Variants in RASSF6 observed in about 807,000 individuals in gnomAD.
RASSF6 encodes the protein ras association domain-containing protein 6.
Under a neutral mutation model 44.0 loss-of-function variants are expected in RASSF6, and 52 were observed. That is an observed-to-expected ratio of 1.18 (90% confidence interval 0.95 to 1.49). The LOEUF (loss-of-function observed/expected upper bound fraction) is 1.49. Ranked by LOEUF, RASSF6 falls within the 40% of genes most tolerant of loss-of-function variation. RASSF6 has a pLI of 0.00. For synonymous variants in RASSF6, 162 were observed against 124.6 expected, an observed-to-expected ratio of 1.30 and a Z score of -2.00; for missense variants, 464 against 393.3, an observed-to-expected ratio of 1.18 and a Z score of -1.52.
intron 7 of RASSF6, 72 bp downstream of exon 7, chr4:73,582,117 A>T: frequency 2.6e-6 from 2 of 770,966 alleles, no homozygotes; most frequent in Non-Finnish European, 4.2e-6. Context: ...CTGTTTCAGA[A>T]GAGTGGATTT....
intron 2 of RASSF6, among the ~76,000 whole-genome samples, chr4:73,607,232 G>A (rs967129524): frequency 2.5e-4 from 38 of 152,194 alleles, no homozygotes; most frequent in African/African-American, 8.7e-4. Context: ...TTGCTCTTGG[G>A]ATAAAACCCC....
At chr4:73,604,888 T>C (rs1396483931) in intron 2 of RASSF6, among the ~76,000 whole-genome samples, 1 of 151,092 alleles carries the variant, frequency 6.6e-6, no homozygotes, top group African/African-American at 2.4e-5. Context: ...TTCTTTCTTT[T>C]TTTTTTTTTT....
intron 1 of RASSF6, among the ~76,000 whole-genome samples, chr4:73,617,312 C>A (rs1249265035): frequency 6.6e-6 from 1 of 152,216 alleles, no homozygotes; most frequent in African/African-American, 2.4e-5. Context: ...TAATGCCATG[C>A]ATTTTATTCT....
rs762916775 is a variant in RASSF6 at position 73,585,339 on chromosome 4, G to T, written c.408C>A (p.Thr136=). The T allele has an allele frequency of 1.1e-5, 18 of 1,596,284 alleles. No homozygotes were observed. Among genetic ancestry groups the T allele is most frequent in the Non-Finnish European group, 1.4e-5 (17 of 1,173,024 alleles). ...QEDYLSYHSN[T]LKPHAKDEPD... ...GTTCATCCTTTGCATGTGGCTTCAG[G>T]GTGTTGCTGTGATAAGATAAATAGT... The change falls in exon 6 of 11, where the codon ACC becomes ACA. Residue 136 remains threonine (T), a synonymous_variant. Transcript: ENST00000307439.
At position 73,598,621 on chromosome 4, in the gene RASSF6, CT is replaced by C; in HGVS notation, c.144+18del. On this transcript the variant is annotated intron_variant, in intron 3 of 10. Coordinates refer to ENST00000307439, the MANE Select transcript of RASSF6 (RefSeq NM_177532.5). ...GTGTGTGTGAATAACACCGGATTGCCTTTCTTCAGTGGGCTTACCTCTCCAT... is the reference window on the plus strand; with the variant it reads ...GTGTGTGTGAATAACACCGGATTGCCTTCTTCAGTGGGCTTACCTCTCCAT... 7.1e-7 allele frequency: 1 copy of C among 1,402,856 alleles called. No homozygotes were observed. Among genetic ancestry groups the C allele is most frequent in the Non-Finnish European group, 9.9e-7 (1 of 1,008,134 alleles). 86.9% of individuals were successfully genotyped at this position (1,402,856 alleles called of 1,614,324 possible).
At chr4:73,603,986 T>G (rs1242793192) in intron 2 of RASSF6, 1 of 152,206 alleles carries the variant, frequency 6.6e-6, no homozygotes, top group Non-Finnish European at 1.5e-5. Flanking sequence ...GGACAAAGCA[T>G]AAATATTGTC....
chr4:73,596,499 T>C (rs1047118822), intron 3 of RASSF6, among the ~76,000 whole-genome samples: 3 of 152,206 alleles, frequency 2.0e-5, no homozygotes, highest in Non-Finnish European at 4.4e-5. Flanking sequence ...TGGAAAATCA[T>C]TCCATGATCA....
chr4:73,589,996 A>T (rs1724407156), intron 4 of RASSF6, among the ~76,000 whole-genome samples: 1 of 152,200 alleles, frequency 6.6e-6, no homozygotes, highest in Non-Finnish European at 1.5e-5. Flanking sequence ...GACTTGTCCA[A>T]AATATGCAAA....
intron 1 of RASSF6, 150 bp downstream of exon 1, chr4:73,620,138 C>A: frequency 1.1e-5 from 4 of 371,342 alleles, no homozygotes; most frequent in Admixed American, 5.2e-5. Context: ...CTGAGAAAAT[C>A]AAAAGGAAAA....
At chr4:73,598,769 A>G in intron 2 of RASSF6, 51 bp from the exon 3 acceptor site, 1 of 777,110 alleles carries the variant, frequency 1.3e-6, no homozygotes, top group Non-Finnish European at 2.0e-6. Flanking sequence ...TTTTAACGTA[A>G]AAGGTGATAA....
chr4:73,576,576 G>A (rs1356376097), intron 9 of RASSF6, 37 bp downstream of exon 9: 5 of 1,569,546 alleles, frequency 3.2e-6, no homozygotes, highest in Non-Finnish European at 4.4e-6. Context: ...AGTCAGGAGG[G>A]AAGCAAAAAA....
At chr4:73,618,693 C>T (rs1726526070) in intron 1 of RASSF6, among the ~76,000 whole-genome samples, 1 of 152,062 alleles carries the variant, frequency 6.6e-6, no homozygotes, top group African/African-American at 2.4e-5. Context: ...CACAATTCTC[C>T]AGTCAATATC....
At chr4:73,615,768 T>A in intron 1 of RASSF6, 1 of 716,658 alleles carries the variant, frequency 1.4e-6, no homozygotes, top group Admixed American at 2.5e-5. Flanking sequence ...AACAAGCCAA[T>A]GAGATCTGGA....
Position 73,576,271 on chromosome 4 carries a change from T to C in RASSF6, c.978A>G (p.Gln326=), listed in dbSNP as rs945058555. Residue 326 remains glutamine (Q), a synonymous_variant, in exon 11 of 11, where the codon CAA becomes CAG. Transcript: ENST00000307439. ...TCTCTGTTTTTATTACTAGTTTATT[T>C]TGAAGACATTTCAGTATAATCGCCT... ...KEKAIILKCL[Q]NKLVIKTETT... 7.7e-6 allele frequency: 12 copies of C among 1,562,628 alleles called. No homozygotes were observed. Among genetic ancestry groups the C allele is most frequent in the Admixed American group, 1.7e-5 (1 of 58,654 alleles).
intron 3 of RASSF6, among the ~76,000 whole-genome samples, chr4:73,597,488 G>A (rs887032509): frequency 2.6e-5 from 4 of 152,170 alleles, no homozygotes; most frequent in Non-Finnish European, 4.4e-5. Flanking sequence ...TGCTGGTGAG[G>A]TTGTGGAGAA....
Position 73,593,557 on chromosome 4 carries a change from C to T in RASSF6, c.181G>A (p.Asp61Asn), listed in dbSNP as rs1176069960. 8 of 1,613,386 alleles carry T rather than the reference C, an allele frequency of 5.0e-6. No individual in the cohort carries two copies. The highest frequency in any genetic ancestry group is 1.3e-5 in the African/African-American group (1 of 74,992). Reference sequence around the variant, plus strand: ...GGTCGTTTTACTCCCCAGAAAATGTCCAGCATTCCTTCAACAATTAGTTTG... The same window carrying T: ...GGTCGTTTTACTCCCCAGAAAATGTTCAGCATTCCTTCAACAATTAGTTTG... The part of the protein sequence containing the change: ...DGKLIVEGML[D>N]IFWGVKRPIQ... The change falls in exon 4 of 11, where the codon GAC (aspartate) becomes AAC (asparagine). Residue 61 changes from aspartate to asparagine, a missense_variant. Physicochemically the swap from Asp to Asn is conservative, Grantham distance 23 (BLOSUM62 1). Coordinates refer to ENST00000307439, the MANE Select transcript of RASSF6 (RefSeq NM_177532.5).
rs1379384057 is a variant in RASSF6 at position 73,582,242 on chromosome 4, T to C, written c.616A>G (p.Asn206Asp). The change falls in exon 7 of 11, where the codon AAC becomes GAC. Residue 206 changes from asparagine (N) to aspartate (D), a missense_variant. Physicochemically the swap from Asn to Asp is conservative, Grantham distance 23. Coordinates refer to ENST00000307439, the MANE Select transcript of RASSF6 (RefSeq NM_177532.5). ...AFESETKVRV[N>D]SNMRTEEVIK... ...ACTTCTTCAGTTCTCATGTTACTGT[T>C]TACTCTGACCTTAGTTTCTGATTCA... The C allele has an allele frequency of 6.3e-7, 1 of 1,599,204 alleles. No individual in the cohort carries two copies. Among genetic ancestry groups the C allele is most frequent in the South Asian group, 1.1e-5 (1 of 88,832 alleles).
At chr4:73,581,105 G>GT (rs5859378) in intron 8 of RASSF6, among the ~76,000 whole-genome samples, 106,938 of 151,772 alleles carry the variant, frequency 0.7, 38,029 homozygotes, top group East Asian at 0.88. Context: ...TTTTCTTAAG[G>GT]TGTTCTGGCA....
chr4:73,616,215 A>ATATC (rs1377450626), intron 1 of RASSF6, among the ~76,000 whole-genome samples: 2 of 147,668 alleles, frequency 1.4e-5, no homozygotes, highest in African/African-American at 5.0e-5. Context: ...ATATATACAT[A>ATATC]TATCTATATC....
Sources: gnomAD v4.1 joint callset for allele counts (sites outside exome capture counted in the v4.1 genomes callset) on GRCh38, gnomAD v4.1.1 for gene constraint, MANE v1.5 for transcripts, NCBI Gene and HGNC (gene_info 2026-07-23, HGNC 2026-07-21) for gene names.